The following SYT6 variants were observed in gnomAD, a reference collection of about 807,000 sequenced individuals.
SYT6 encodes the protein synaptotagmin 6.
SYT6 carries 24 observed loss-of-function variants against 38.4 expected under a neutral mutation model. The observed-to-expected ratio is 0.62, with a 90% CI of 0.45 to 0.88. SYT6 has a LOEUF of 0.88. Among genes scored for constraint, SYT6 ranks in the 40% least tolerant of loss-of-function variants. The pLI, the probability that SYT6 is intolerant of heterozygous loss-of-function variation, is 0.00. For synonymous variants in SYT6, 265 were observed against 241.9 expected (o/e 1.10, Z -0.89); for missense variants, 611 against 621.0 (o/e 0.98, Z 0.17).
At chr1:114,120,962 C>CT (rs1282469662) in intron 3 of SYT6, among the ~76,000 whole-genome samples, 5 of 152,246 alleles carry the variant, frequency 3.3e-5, no homozygotes, top group Admixed American at 1.3e-4. Flanking sequence ...AAACCTCACG[C>CT]TGTCCGTGCC....
chr1:114,115,179 C>A (rs1221331963), intron 3 of SYT6, among the ~76,000 whole-genome samples: 1 of 152,184 alleles, frequency 6.6e-6, no homozygotes, highest in Non-Finnish European at 1.5e-5. Context: ...CCTACCCTCA[C>A]CAGAAGGCAG....
Position 114,137,733 on chromosome 1 carries a change from T to A in SYT6, c.833A>T (p.Lys278Ile), listed in dbSNP as rs1414410881. The change falls in exon 3 of 8, where the codon AAA (lysine) becomes ATA (isoleucine). Residue 278 changes from lysine (K) to isoleucine (I), a missense_variant. Coordinates refer to ENST00000610222, the MANE Select transcript of SYT6 (RefSeq NM_001253772.2). The part of the protein sequence containing the change: ...YVKIYLLPDR[K>I]CKLQTRVHRK... ...GTGCACCCGGGTCTGCAGCTTGCAT[T>A]TGCGGTCAGGCAGGAGGTAGATCTT... The A allele has an allele frequency of 6.2e-7, 1 of 1,613,980 alleles. No homozygotes were observed. Among genetic ancestry groups the A allele is most frequent in the Non-Finnish European group, 8.5e-7 (1 of 1,180,034 alleles).
intron 4 of SYT6, among the ~76,000 whole-genome samples, chr1:114,102,098 C>A (rs1211439998): frequency 6.6e-6 from 1 of 152,184 alleles, no homozygotes; most frequent in African/African-American, 2.4e-5. Flanking sequence ...GGCTTTCTCT[C>A]CAGCACATCA....
At chr1:114,113,925 A>C (rs1676839144) in intron 3 of SYT6, among the ~76,000 whole-genome samples, 1 of 152,174 alleles carries the variant, frequency 6.6e-6, no homozygotes, top group South Asian at 2.1e-4. Context: ...AGGGCCCTCC[A>C]CGAACGGGGC....
At chr1:114,099,540 G>T (rs760785895) in intron 4 of SYT6, among the ~76,000 whole-genome samples, 31 of 152,120 alleles carry the variant, frequency 2.0e-4, no homozygotes, top group Non-Finnish European at 3.8e-4. Flanking sequence ...CCCCATATCA[G>T]ACATGACACC....
chr1:114,121,061 GCCACCAAGGC>G (rs924197391), intron 3 of SYT6, among the ~76,000 whole-genome samples: 2 of 152,238 alleles, frequency 1.3e-5, no homozygotes, highest in Non-Finnish European at 2.9e-5. Context: ...TGTCTCCATA[GCCACCAAGGC>G]CCCCAGGGGG....
chr1:114,133,373 T>C (rs1309651167), intron 3 of SYT6, among the ~76,000 whole-genome samples: 2 of 152,232 alleles, frequency 1.3e-5, no homozygotes, highest in Non-Finnish European at 2.9e-5. Context: ...CTGAGTCCTC[T>C]GTAGCAATAA....
At chr1:114,119,169 A>C (rs2101032628) in intron 3 of SYT6, among the ~76,000 whole-genome samples, 1 of 152,368 alleles carries the variant, frequency 6.6e-6, no homozygotes, top group East Asian at 1.9e-4. Flanking sequence ...AAGAGATTAC[A>C]GGCCCCTGTT....
At chr1:114,124,975 C>T (rs1243207044) in intron 3 of SYT6, among the ~76,000 whole-genome samples, 4 of 152,202 alleles carry the variant, frequency 2.6e-5, no homozygotes, top group Non-Finnish European at 5.9e-5. Flanking sequence ...CAGCCTGGCA[C>T]ACAGGAGGCC....
chr1:114,129,773 G>C (rs1032154345), intron 3 of SYT6, among the ~76,000 whole-genome samples: 3 of 151,124 alleles, frequency 2.0e-5, no homozygotes, highest in Non-Finnish European at 4.4e-5. Flanking sequence ...GATCTCCCAG[G>C]CTCAAGCGAT....
intron 3 of SYT6, among the ~76,000 whole-genome samples, chr1:114,111,470 C>T (rs1193031902): frequency 6.6e-6 from 1 of 152,174 alleles, no homozygotes; most frequent in Non-Finnish European, 1.5e-5. Flanking sequence ...TTGATGACAC[C>T]TCCTCACTAA....
rs1311563625 is a variant in SYT6, at chr1:114,090,994, T to C, written c.*1140A>G. The C allele has an allele frequency of 2.0e-5, 3 of 152,970 alleles. No homozygotes were observed. Among genetic ancestry groups the C allele is most frequent in the Non-Finnish European group, 4.4e-5 (3 of 68,046 alleles). The allele number at this position is 152,970 out of a possible 1,614,324, so 9.5% of individuals were successfully genotyped here. ...TGTCAAAGAGCCAAAGGGGCTGAAATAGGCTTACGCTGACTCGGTTTCAAT... is the reference window on the plus strand; with the variant it reads ...TGTCAAAGAGCCAAAGGGGCTGAAACAGGCTTACGCTGACTCGGTTTCAAT... On this transcript the variant is annotated 3_prime_UTR_variant, in exon 8 of 8. Coordinates refer to ENST00000610222, the MANE Select transcript of SYT6 (RefSeq NM_001253772.2).
chr1:114,116,441 T>C (rs1030859937), intron 3 of SYT6, among the ~76,000 whole-genome samples: 1 of 152,138 alleles, frequency 6.6e-6, no homozygotes, highest in African/African-American at 2.4e-5. Flanking sequence ...GAAACCCACA[T>C]ATGAAAAAGT....
chr1:114,147,515 CAGCT>C (rs1679215982), intron 1 of SYT6, among the ~76,000 whole-genome samples: 2 of 152,178 alleles, frequency 1.3e-5, no homozygotes, highest in African/African-American at 4.8e-5. Flanking sequence ...GGAGAGAAAA[CAGCT>C]ATGGAACTAG....
chr1:114,105,051 A>G (rs369329627), intron 3 of SYT6, among the ~76,000 whole-genome samples: 31 of 151,844 alleles, frequency 2.0e-4, no homozygotes, highest in Admixed American at 1.2e-3. Context: ...TGGAGCTTAC[A>G]TTTTATTAGG....
chr1:114,100,550 C>T (rs1157076271), intron 4 of SYT6, among the ~76,000 whole-genome samples: 2 of 152,242 alleles, frequency 1.3e-5, no homozygotes, highest in East Asian at 1.9e-4. Flanking sequence ...GCCGACTAAT[C>T]CATGTGGCAG....
intron 3 of SYT6, among the ~76,000 whole-genome samples, chr1:114,119,741 C>T (rs985669186): frequency 5.9e-5 from 9 of 152,266 alleles, no homozygotes; most frequent in Middle Eastern, 3.4e-3. Context: ...CAGGGTTTGA[C>T]GGGGCTTTAC....
At chr1:114,144,613 T>C (rs1679059834) in intron 1 of SYT6, among the ~76,000 whole-genome samples, 1 of 152,212 alleles carries the variant, frequency 6.6e-6, no homozygotes, top group African/African-American at 2.4e-5. Context: ...GAATGATGTA[T>C]GAGAAGGCTG....
At chr1:114,139,070 C>T (rs1212531547) in intron 2 of SYT6, among the ~76,000 whole-genome samples, 3 of 152,084 alleles carry the variant, frequency 2.0e-5, no homozygotes, top group East Asian at 1.9e-4. Flanking sequence ...AGGTTTTTGT[C>T]GTTATGTTTT....
Sources: allele counts gnomAD v4.1 joint callset (sites outside exome capture counted in the v4.1 genomes callset), GRCh38; gene constraint gnomAD v4.1.1; transcripts MANE v1.5; gene names NCBI Gene and HGNC (gene_info 2026-07-23, HGNC 2026-07-21).